GOLIM4: variants seen among roughly 807,000 people sequenced by gnomAD.
The protein encoded by GOLIM4 is 130 kDa golgi-localized phosphoprotein.
A neutral mutation model predicts 107.4 loss-of-function variants in GOLIM4; 71 were observed. The observed-to-expected ratio is 0.66, with a 90% CI of 0.55 to 0.81. The LOEUF (loss-of-function observed/expected upper bound fraction) is 0.81, where lower values mean the gene tolerates loss of function less well. Ranked by LOEUF, GOLIM4 falls within the 30% of genes least tolerant of loss-of-function variation. GOLIM4 has a pLI of 0.00. For synonymous variants in GOLIM4, 327 were observed against 294.8 expected (o/e 1.11, Z -1.12); for missense variants, 830 against 826.1 (o/e 1.00, Z -0.06).
chr3:168,090,960 G>A (rs1276217029), intron 1 of GOLIM4, among the ~76,000 whole-genome samples: 2 of 152,192 alleles, frequency 1.3e-5, no homozygotes, highest in Admixed American at 1.3e-4. Flanking sequence ...ACAAGTGGGA[G>A]CTATACAACG....
At chr3:168,044,716 A>T in intron 4 of GOLIM4, 112 bp downstream of exon 4, 1 of 661,220 alleles carries the variant, frequency 1.5e-6, no homozygotes, top group East Asian at 2.9e-5. Flanking sequence ...GCCATATTAC[A>T]ATACAAATCA....
At chr3:168,036,805 T>C (rs1186641805) in intron 8 of GOLIM4, 31 bp downstream of exon 8, 2 of 1,541,206 alleles carry the variant, frequency 1.3e-6, no homozygotes, top group Admixed American at 1.9e-5. Flanking sequence ...GAAAGTGACC[T>C]AACCATAGAT....
intron 1 of GOLIM4, among the ~76,000 whole-genome samples, chr3:168,073,111 T>G (rs1277556899): frequency 6.6e-6 from 1 of 152,204 alleles, no homozygotes; most frequent in African/African-American, 2.4e-5. Flanking sequence ...AAATAATAAC[T>G]GCACTAACCC....
chr3:168,044,882 C>T lies in GOLIM4; in HGVS notation c.313-1G>A. 2.0e-6 allele frequency: 3 copies of T among 1,505,706 alleles called. No homozygotes were observed. Among genetic ancestry groups the T allele is most frequent in the Non-Finnish European group, 1.8e-6 (2 of 1,115,516 alleles). 93.3% of individuals were successfully genotyped at this position (1,505,706 alleles called of 1,614,324 possible). A position where few individuals can be genotyped will look rare whatever the true frequency, so the allele number is the denominator to read the frequency against. On this transcript the variant is annotated splice_acceptor_variant, in intron 3 of 15. Transcript: ENST00000470487. LOFTEE classifies it high-confidence loss of function. ...CACTGTATCTGCTATTGGAATCTTG[C>T]TGTAAATCAAAAAAAAAAAAGAAAA...
rs35852595 is a variant in GOLIM4, at chr3:168,029,835, G to A, written c.1378C>T (p.Leu460=). ...TCCTCAAGCTCAGCCTGCCTCTGCA[G>A]GGCCATCTCTCTTGCCACCTGCTGC... ...QQQQVAREMA[L]QRQAELEEGR... Residue 460 remains leucine, a synonymous_variant, in exon 10 of 16, where the codon CTG becomes TTG. Transcript: ENST00000470487. 1.2e-6 allele frequency: 2 copies of A among 1,614,104 alleles called. No individual in the cohort carries two copies. Among genetic ancestry groups the A allele is most frequent in the Non-Finnish European group, 1.7e-6 (2 of 1,180,032 alleles).
chr3:168,032,551 G>T lies in GOLIM4; in HGVS notation c.1145C>A (p.Ala382Asp), dbSNP rs1215464834. 1 of 1,614,012 alleles carries T rather than the reference G, an allele frequency of 6.2e-7. No individual in the cohort carries two copies. The highest frequency in any genetic ancestry group is 2.2e-5 in the East Asian group (1 of 44,878). The change falls in exon 9 of 16, where the codon GCC becomes GAC. Residue 382 changes from alanine to aspartate, a missense_variant. Ala to Asp is a moderately radical substitution (Grantham distance 126). Transcript: ENST00000470487. ...ACGCGCGTGCCCTTCCAGGAGGTTG[G>T]CTGCTTCTCGTTGCTCATGCTGCTC... ...WKEQHEQREA[A>D]NLLEGHARAE...
At chr3:168,018,938 A>G (rs1309766743) in intron 14 of GOLIM4, among the ~76,000 whole-genome samples, 2 of 151,770 alleles carry the variant, frequency 1.3e-5, no homozygotes, top group African/African-American at 4.9e-5. Context: ...AGGCTTTCTT[A>G]GCCATAAGGT....
chr3:168,038,700 A>G (rs1310570230), intron 7 of GOLIM4, among the ~76,000 whole-genome samples: 13 of 152,252 alleles, frequency 8.5e-5, no homozygotes, highest in African/African-American at 1.2e-4. Flanking sequence ...GATGATTTAC[A>G]TGAGAAATGC....
chr3:168,049,914 G>A (rs1043261817), intron 1 of GOLIM4, among the ~76,000 whole-genome samples: 2 of 151,982 alleles, frequency 1.3e-5, no homozygotes, highest in African/African-American at 4.8e-5. Flanking sequence ...CTACTATCAC[G>A]ATAGACCCTA....
At chr3:168,036,681 CTG>C (rs1361779757) in intron 8 of GOLIM4, among the ~76,000 whole-genome samples, 153 bp downstream of exon 8, 1 of 152,228 alleles carries the variant, frequency 6.6e-6, no homozygotes, top group African/African-American at 2.4e-5. Context: ...ACCCAGTAAT[CTG>C]TGTTTTATCA....
Position 168,010,360 on chromosome 3 carries a change from T to C in GOLIM4, c.2000A>G (p.Lys667Arg). Residue 667 changes from lysine to arginine, a missense_variant, in exon 16 of 16, where the codon AAA becomes AGA. Physicochemically the swap from Lys to Arg is conservative, Grantham distance 26. Coordinates refer to ENST00000470487, the MANE Select transcript of GOLIM4 (RefSeq NM_014498.5). The part of the protein sequence containing the change: ...EQEVRDDNRP[K>R]GREEHYEEEE... ...CTCCTCGTAGTGTTCCTCTCGGCCT[T>C]TGGGGCGGTTGTCATCTCGAACTTC... 1.2e-6 allele frequency: 2 copies of C among 1,613,136 alleles called. No individual in the cohort carries two copies. The highest frequency in any genetic ancestry group is 1.7e-6 in the Non-Finnish European group (2 of 1,179,172).
At chr3:168,082,384 T>C (rs1216374595) in intron 1 of GOLIM4, among the ~76,000 whole-genome samples, 1 of 152,052 alleles carries the variant, frequency 6.6e-6, no homozygotes, top group Non-Finnish European at 1.5e-5. Context: ...CTCCTCAAAA[T>C]ATTGTTACTG....
Position 168,095,604 on chromosome 3 carries a change from G to T in GOLIM4, c.-319C>A. On this transcript the variant is annotated 5_prime_UTR_variant, in exon 1 of 16. Transcript: ENST00000470487. ...TCGCGCCTGTCCCCAGATGCCTCCT[G>T]CCTTTTTTCCTTCTTCCCACTTTTT... The T allele has an allele frequency of 3.2e-6, 1 of 308,070 alleles. No individual in the cohort carries two copies. The highest frequency in any genetic ancestry group is 4.6e-5 in the South Asian group (1 of 21,954). The allele number at this position is 308,070 out of a possible 1,614,324, so 19.1% of individuals were successfully genotyped here.
intron 5 of GOLIM4, 122 bp from the exon 6 acceptor site, chr3:168,041,596 A>G (rs1020589930): frequency 1.0e-5 from 6 of 577,170 alleles, no homozygotes; most frequent in Admixed American, 6.1e-5. Context: ...CTCAGACAAT[A>G]TAATATTCAA....
chr3:168,062,588 T>C (rs1720333847), intron 1 of GOLIM4, among the ~76,000 whole-genome samples: 1 of 152,190 alleles, frequency 6.6e-6, no homozygotes, highest in Non-Finnish European at 1.5e-5. Context: ...GGCTAATGTG[T>C]CTTCCTCACA....
chr3:168,053,796 G>A (rs1235819430), intron 1 of GOLIM4, among the ~76,000 whole-genome samples: 1 of 152,202 alleles, frequency 6.6e-6, no homozygotes, highest in African/African-American at 2.4e-5. Flanking sequence ...TCAACATCAT[G>A]CATTCTTTCA....
chr3:168,032,779 G>T lies in GOLIM4; in HGVS notation c.917C>A (p.Ala306Asp), dbSNP rs1230084859. 6.2e-7 allele frequency: 1 copy of T among 1,614,002 alleles called. No homozygotes were observed. The highest frequency in any genetic ancestry group is 8.5e-7 in the Non-Finnish European group (1 of 1,179,952). Residue 306 changes from alanine to aspartate, a missense_variant, in exon 9 of 16, where the codon GCT becomes GAT. Transcript: ENST00000470487. ...AAATTCTGCCTCCTTATGGGTGGGA[G>T]CATAGAGTTTTGTGTCTTCTGCTCT... ...PGRAEDTKLYAPTHKEAEFQA... is the reference protein window; with the variant it reads ...PGRAEDTKLYDPTHKEAEFQA...
intron 1 of GOLIM4, among the ~76,000 whole-genome samples, chr3:168,071,821 GTTAACT>G (rs1264001295): frequency 6.6e-6 from 1 of 151,956 alleles, no homozygotes; most frequent in African/African-American, 2.4e-5. Flanking sequence ...TGAATGTTTT[GTTAACT>G]TTAAGTATCC....
At chr3:168,079,739 G>GA (rs1298784592) in intron 1 of GOLIM4, among the ~76,000 whole-genome samples, 1 of 151,882 alleles carries the variant, frequency 6.6e-6, no homozygotes, top group Non-Finnish European at 1.5e-5. Flanking sequence ...TAAAATATAA[G>GA]AACTCAATAT....
Sources: allele counts gnomAD v4.1 joint callset (sites outside exome capture counted in the v4.1 genomes callset), GRCh38; gene constraint gnomAD v4.1.1; transcripts MANE v1.5; gene names NCBI Gene and HGNC (gene_info 2026-07-23, HGNC 2026-07-21).